The following ABLIM1 variants were observed in gnomAD, a reference collection of about 807,000 sequenced individuals.
The protein encoded by ABLIM1 is actin binding LIM protein 1, also known as actin-binding LIM protein 1.
In ABLIM1, 40 loss-of-function variants were observed where a neutral mutation model predicts 107.0. That is an observed-to-expected ratio of 0.37 (90% CI 0.29 to 0.49). ABLIM1 has a LOEUF of 0.49. Among genes scored for constraint, ABLIM1 ranks in the 20% least tolerant of loss-of-function variants. The probability of loss-of-function intolerance (pLI) is 0.97; values close to 1 mark genes in which losing one functional copy is unlikely to be tolerated. For synonymous variants in ABLIM1, 357 were observed against 357.3 expected (o/e 1.00, Z 0.01); for missense variants, 857 against 1,008.5 (o/e 0.85, Z 2.04).
chr10:114,784,400 C>T, the ABLIM1 span, among the ~76,000 whole-genome samples: 1 of 147,848 alleles, frequency 6.8e-6, no homozygotes, highest in Admixed American at 6.7e-5. Flanking sequence ...CATGGTAGCT[C>T]ACGCCTGTAA....
At chr10:114,485,321 G>A (rs766261470) in intron 8 of ABLIM1, 1 of 1,613,072 alleles carries the variant, frequency 6.2e-7, no homozygotes, top group Non-Finnish European at 8.5e-7. Flanking sequence ...ACCGTCCTGT[G>A]CGTCGAATCA....
intron 1 of ABLIM1, among the ~76,000 whole-genome samples, chr10:114,728,557 C>A (rs1591899546): frequency 5.7e-5 from 7 of 123,760 alleles, no homozygotes; most frequent in Admixed American, 2.5e-4. Context: ...CAACATGTAC[C>A]AACATGAATT....
chr10:114,452,454 CT>C (rs1197712679), intron 13 of ABLIM1, among the ~76,000 whole-genome samples: 3 of 151,970 alleles, frequency 2.0e-5, no homozygotes, highest in Admixed American at 1.3e-4. Context: ...TTCAATTAAA[CT>C]TTTTTAGAAA....
At chr10:114,547,521 C>T in intron 5 of ABLIM1, 129 bp downstream of exon 5, 1 of 1,262,118 alleles carries the variant, frequency 7.9e-7, no homozygotes, top group South Asian at 1.5e-5. Context: ...GCAACAAGTT[C>T]ATTATGATGG....
chr10:114,509,583 A>G (rs1373696060), intron 6 of ABLIM1, among the ~76,000 whole-genome samples: 2 of 152,118 alleles, frequency 1.3e-5, no homozygotes, highest in Non-Finnish European at 2.9e-5. Context: ...GTAGATCACA[A>G]TACTCTGGAT....
chr10:114,558,306 A>G (rs1005456378), intron 4 of ABLIM1, among the ~76,000 whole-genome samples: 1 of 152,188 alleles, frequency 6.6e-6, no homozygotes, highest in African/African-American at 2.4e-5. Context: ...ACTATTCATT[A>G]CGCAGGAATC....
chr10:114,660,312 G>A (rs1052934889), upstream of ABLIM1, among the ~76,000 whole-genome samples: 1 of 152,144 alleles, frequency 6.6e-6, no homozygotes, highest in Admixed American at 6.5e-5. Context: ...CAAAATGAGG[G>A]TAAGGGATAA....
chr10:114,559,847 A>G (rs1013320735), intron 4 of ABLIM1, among the ~76,000 whole-genome samples: 7 of 152,208 alleles, frequency 4.6e-5, no homozygotes, highest in Non-Finnish European at 1.0e-4. Context: ...CAGGCTAAGC[A>G]ATGGCCATAT....
chr10:114,665,598 C>G (rs978072483), intron 1 of ABLIM1, among the ~76,000 whole-genome samples: 7 of 152,182 alleles, frequency 4.6e-5, no homozygotes, highest in African/African-American at 1.4e-4. Context: ...ACAAAGCAAG[C>G]CTTTAAAAGC....
rs539740315 is a variant in ABLIM1 at position 114,709,614 on chromosome 10, A to G, written c.-213+58447T>C. On this transcript the variant is annotated intron_variant, in intron 1 of 15. Transcript: ENST00000651092. ...TACCAAAAATAAAAGATAAATTTCA[A>G]TAAACTACGCTAGAGGAAAGGCGAA... Among the ~76,000 whole-genome samples the G allele has an allele frequency of 9.2e-5, 14 of 152,332 alleles. No individual in the cohort carries two copies. In the South Asian group the frequency reaches 2.9e-3, roughly 32 times the overall value.
intron 1 of ABLIM1, among the ~76,000 whole-genome samples, chr10:114,706,717 C>T (rs2081429540): frequency 6.6e-6 from 1 of 152,196 alleles, no homozygotes; most frequent in South Asian, 2.1e-4. Context: ...CCTTTCAGGG[C>T]AATATTTTCC....
intron 4 of ABLIM1, among the ~76,000 whole-genome samples, chr10:114,551,137 C>G (rs1038768335): frequency 7.9e-5 from 12 of 152,226 alleles, no homozygotes; most frequent in African/African-American, 2.9e-4. Context: ...ATGCGGACAA[C>G]AGCCATTGCC....
intron 1 of ABLIM1, among the ~76,000 whole-genome samples, chr10:114,644,463 C>T (rs2078924857): frequency 6.6e-6 from 1 of 150,770 alleles, no homozygotes; most frequent in Non-Finnish European, 1.5e-5. Flanking sequence ...ATTCTCAGGA[C>T]AAGATTTTCA....
chr10:114,514,897 C>G (rs1046903352), intron 6 of ABLIM1, among the ~76,000 whole-genome samples: 1 of 152,178 alleles, frequency 6.6e-6, no homozygotes, highest in African/African-American at 2.4e-5. Flanking sequence ...ACCTACCCAC[C>G]ATGGTGTCCT....
chr10:114,506,631 T>C (rs2061189417), intron 6 of ABLIM1, among the ~76,000 whole-genome samples: 1 of 152,248 alleles, frequency 6.6e-6, no homozygotes, highest in Non-Finnish European at 1.5e-5. Context: ...CATTTTTTCA[T>C]ATATTTGTTG....
chr10:114,641,263 A>AAT (rs2078738801), intron 1 of ABLIM1, among the ~76,000 whole-genome samples: 1 of 150,450 alleles, frequency 6.6e-6, no homozygotes, highest in Non-Finnish European at 1.5e-5. Context: ...AAAAAAAAAA[A>AAT]AAAAAAAAAA....
chr10:114,599,842 T>G (rs1361677766), intron 2 of ABLIM1, among the ~76,000 whole-genome samples: 1 of 151,772 alleles, frequency 6.6e-6, no homozygotes, highest in African/African-American at 2.4e-5. Context: ...AAAAAATATA[T>G]GTGGCTGCAG....
At chr10:114,578,710 T>G (rs965834696) in intron 2 of ABLIM1, among the ~76,000 whole-genome samples, 4 of 151,376 alleles carry the variant, frequency 2.6e-5, no homozygotes, top group Admixed American at 1.3e-4. Context: ...CCAGCCAACA[T>G]CAACATCTTC....
chr10:114,731,339 A>G (rs907227738), intron 1 of ABLIM1, among the ~76,000 whole-genome samples: 2 of 151,918 alleles, frequency 1.3e-5, no homozygotes, highest in African/African-American at 4.8e-5. Context: ...ACAGGGTTTC[A>G]CCATGTTGCC....
Sources: allele counts gnomAD v4.1 joint callset (sites outside exome capture counted in the v4.1 genomes callset), GRCh38; gene constraint gnomAD v4.1.1; transcripts MANE v1.5; gene names NCBI Gene and HGNC (gene_info 2026-07-23, HGNC 2026-07-21).